GABBR2: variants seen among roughly 807,000 people sequenced by gnomAD.
GABBR2 encodes the protein G-protein coupled receptor 51.
GABBR2 carries 23 observed loss-of-function variants against 105.6 expected under a neutral mutation model. The ratio of observed to expected loss-of-function variants is 0.22; its 90% CI spans 0.16 to 0.31. The LOEUF (loss-of-function observed/expected upper bound fraction) is 0.31, where lower values mean the gene tolerates loss of function less well. Among genes scored for constraint, GABBR2 ranks in the 10% least tolerant of loss-of-function variants. The pLI, the probability that GABBR2 is intolerant of heterozygous loss-of-function variation, is 1.00. For synonymous variants in GABBR2, 478 were observed against 499.7 expected, an observed-to-expected ratio of 0.96 and a Z score of 0.58; for missense variants, 734 against 1,245.5, an observed-to-expected ratio of 0.59 and a Z score of 6.18.
intron 12 of GABBR2, 61 bp downstream of exon 12, chr9:98,371,403 C>G (rs900231958): frequency 5.6e-6 from 5 of 898,396 alleles, no homozygotes; most frequent in Non-Finnish European, 9.3e-6. Context: ...ATAGTATATA[C>G]TTGCTAGATA....
chr9:98,630,773 A>G (rs1829806134), intron 1 of GABBR2, among the ~76,000 whole-genome samples: 1 of 152,234 alleles, frequency 6.6e-6, no homozygotes, highest in South Asian at 2.1e-4. Context: ...GGAGAGTTGA[A>G]TAGGATGGCT....
intron 1 of GABBR2, among the ~76,000 whole-genome samples, chr9:98,657,156 G>A (rs994358367): frequency 2.0e-5 from 3 of 152,224 alleles, no homozygotes; most frequent in African/African-American, 7.2e-5. Flanking sequence ...TGCAGAGGGG[G>A]AGGGCTCTCC....
At chr9:98,525,627 C>T (rs191040337) in intron 3 of GABBR2, among the ~76,000 whole-genome samples, 11 of 152,222 alleles carry the variant, frequency 7.2e-5, no homozygotes, top group Admixed American at 2.6e-4. Context: ...AAATGTTAAA[C>T]GTAGAGTTAC....
At chr9:98,331,157 ACAT>A (rs1831017992) in intron 13 of GABBR2, among the ~76,000 whole-genome samples, 2 of 152,204 alleles carry the variant, frequency 1.3e-5, no homozygotes, top group African/African-American at 2.4e-5. Flanking sequence ...CAGCAGATGA[ACAT>A]TTGGGTTGTT....
intron 7 of GABBR2, among the ~76,000 whole-genome samples, chr9:98,432,346 G>A (rs1825827459): frequency 6.6e-6 from 1 of 152,236 alleles, no homozygotes; most frequent in African/African-American, 2.4e-5. Flanking sequence ...GGAGTCAGCA[G>A]GGCTTGGCAG....
rs764418408 is a variant in GABBR2 at position 98,454,140 on chromosome 9, G to A, written c.1077C>T (p.Tyr359=). The stretch of plus-strand genomic sequence containing the variant: ...TCTTGGCGATGACCCAGATGCCATC[G>A]TAGGCGTACCCGTGGAACTTGCTGG... ...VGPSKFHGYA[Y]DGIWVIAKTL... Residue 359 remains tyrosine, a synonymous_variant, in exon 7 of 19, where the codon TAC becomes TAT. Coordinates refer to ENST00000259455, the MANE Select transcript of GABBR2 (RefSeq NM_005458.8). The surrounding 1 kb of genome is among the most constrained non-coding windows in gnomAD (Gnocchi z 4.6). 1.1e-5 allele frequency: 17 copies of A among 1,613,996 alleles called. No homozygotes were observed. Among genetic ancestry groups the A allele is most frequent in the Middle Eastern group, 1.6e-4 (1 of 6,084 alleles).
At chr9:98,539,358 T>C (rs1393442655) in intron 3 of GABBR2, among the ~76,000 whole-genome samples, 1 of 152,192 alleles carries the variant, frequency 6.6e-6, no homozygotes, top group Non-Finnish European at 1.5e-5. Flanking sequence ...CCTCTTAGGC[T>C]ATATGCAGGT....
chr9:98,491,173 T>C (rs761513084), intron 4 of GABBR2, among the ~76,000 whole-genome samples: 10 of 152,216 alleles, frequency 6.6e-5, no homozygotes, highest in Admixed American at 1.3e-4. Flanking sequence ...TCAAGGTGGA[T>C]TGAAGCCTTA....
chr9:98,602,480 A>C (rs1829354911), intron 1 of GABBR2, among the ~76,000 whole-genome samples: 1 of 136,758 alleles, frequency 7.3e-6, no homozygotes, highest in Non-Finnish European at 1.6e-5. Flanking sequence ...AAAAATGGTA[A>C]ATGTCTCATT....
chr9:98,384,174 A>G (rs1389322641), intron 11 of GABBR2, among the ~76,000 whole-genome samples: 1 of 152,200 alleles, frequency 6.6e-6, no homozygotes, highest in Non-Finnish European at 1.5e-5. Flanking sequence ...GTGGGACTCT[A>G]AAGAGACCCA....
intron 6 of GABBR2, among the ~76,000 whole-genome samples, chr9:98,463,811 T>G (rs1329180105): frequency 6.6e-6 from 1 of 152,136 alleles, no homozygotes; most frequent in African/African-American, 2.4e-5. Context: ...GGTTTTTGTA[T>G]TTTTGGTGGA....
In GABBR2 at chr9:98,679,714, G is replaced by A. The variant is rs1241588473; in HGVS notation, c.321+28703C>T. Among the ~76,000 whole-genome samples the A allele has an allele frequency of 3.9e-5, 6 of 152,222 alleles. No homozygotes were observed. In the South Asian group the frequency reaches 8.3e-4, roughly 21 times the overall value. On this transcript the variant is annotated intron_variant, in intron 1 of 18. Coordinates refer to ENST00000259455, the MANE Select transcript of GABBR2 (RefSeq NM_005458.8). The stretch of plus-strand genomic sequence containing the variant: ...GGAAGTCACTCTTTGAGCTTCTCCC[G>A]CCCTTTTCTCTTGAAGCAAGTCAGA...
chr9:98,477,954 C>T (rs780262407), intron 5 of GABBR2, among the ~76,000 whole-genome samples: 10 of 152,106 alleles, frequency 6.6e-5, no homozygotes, highest in South Asian at 2.1e-4. Context: ...AGATGTAAAG[C>T]GACCTGATTG....
At chr9:98,651,278 G>T (rs1190572938) in intron 1 of GABBR2, among the ~76,000 whole-genome samples, 1 of 151,574 alleles carries the variant, frequency 6.6e-6, no homozygotes, top group Non-Finnish European at 1.5e-5. Context: ...TGAGTAGCTG[G>T]GATTACAGGC....
intron 8 of GABBR2, among the ~76,000 whole-genome samples, chr9:98,400,203 A>G (rs1036127609): frequency 1.3e-5 from 2 of 151,610 alleles, no homozygotes; most frequent in South Asian, 2.1e-4. Flanking sequence ...TTTTAAAAAA[A>G]AAAGAAAAAA....
At chr9:98,305,675 C>G (rs761788496) in intron 15 of GABBR2, among the ~76,000 whole-genome samples, 1 of 152,088 alleles carries the variant, frequency 6.6e-6, no homozygotes, top group Middle Eastern at 3.4e-3. Context: ...ATTAGCCAGG[C>G]GTGGTGGTGC....
intron 7 of GABBR2, among the ~76,000 whole-genome samples, chr9:98,413,386 AAG>A (rs1295707906): frequency 1.3e-5 from 2 of 152,132 alleles, no homozygotes; most frequent in East Asian, 1.9e-4. Flanking sequence ...CAGGATATAA[AAG>A]AGAGAGAGAG....
chr9:98,350,716 C>T (rs1467422934), intron 13 of GABBR2, among the ~76,000 whole-genome samples: 1 of 152,132 alleles, frequency 6.6e-6, no homozygotes, highest in Non-Finnish European at 1.5e-5. Context: ...TATTCTGTAG[C>T]CATTGGATGA....
chr9:98,447,901 C>T (rs1285695309), intron 7 of GABBR2, among the ~76,000 whole-genome samples: 1 of 152,040 alleles, frequency 6.6e-6, no homozygotes, highest in Non-Finnish European at 1.5e-5. Context: ...CTTGCAGAAA[C>T]TTTAAGGGGT....
Sources: gnomAD v4.1 joint callset for allele counts (sites outside exome capture counted in the v4.1 genomes callset) on GRCh38, gnomAD v4.1.1 for gene constraint, Gnocchi (gnomAD v3.1) non-coding constraint, MANE v1.5 for transcripts, NCBI Gene and HGNC (gene_info 2026-07-23, HGNC 2026-07-21) for gene names.